Variants in CSGALNACT1 observed in about 807,000 individuals in gnomAD.
The protein encoded by CSGALNACT1 is beta4GalNAcT-1.
CSGALNACT1 carries 52 observed loss-of-function variants against 51.0 expected under a neutral mutation model. That is an observed-to-expected ratio of 1.02 (90% CI 0.82 to 1.29). The LOEUF (loss-of-function observed/expected upper bound fraction) is 1.29. Among genes scored for constraint, CSGALNACT1 ranks in the 50% most tolerant of loss-of-function variants. The probability of loss-of-function intolerance (pLI) is 0.00; values close to 1 mark genes in which losing one functional copy is unlikely to be tolerated. For missense variants in CSGALNACT1, 935 were observed against 679.2 expected (o/e 1.38, Z -4.19); for synonymous variants, 341 against 254.4 (o/e 1.34, Z -3.24).
chr8:19,486,644 C>G (rs2073018308), intron 4 of CSGALNACT1, among the ~76,000 whole-genome samples: 1 of 152,140 alleles, frequency 6.6e-6, no homozygotes, highest in African/African-American at 2.4e-5. Flanking sequence ...AGTTTCTGCT[C>G]CAATATCACC....
rs143183333 is a variant in CSGALNACT1, at chr8:19,487,461, C to T, written c.634+17740G>A. ...TGTCAACACGATGGTGGAGCCCACA[C>T]CTACTGCAAAGGGCGAGACACATGA... On this transcript the variant is annotated intron_variant, in intron 4 of 9. Coordinates refer to ENST00000454498, the Ensembl canonical transcript of CSGALNACT1. Among the ~76,000 whole-genome samples, 1,061 of 152,292 alleles carry T rather than the reference C, an allele frequency of 7.0e-3. 10 individuals carry two copies. Among genetic ancestry groups the T allele is most frequent in the South Asian group, 0.024 (115 of 4,818 alleles).
chr8:19,675,292 T>C (rs1339916110), intron 1 of CSGALNACT1, among the ~76,000 whole-genome samples: 3 of 152,130 alleles, frequency 2.0e-5, no homozygotes, highest in East Asian at 1.9e-4. Flanking sequence ...TAACCTAAGA[T>C]AGGGTTAATT....
chr8:19,664,063 C>T (rs1031861122), intron 1 of CSGALNACT1, among the ~76,000 whole-genome samples: 4 of 152,350 alleles, frequency 2.6e-5, no homozygotes, highest in Admixed American at 6.5e-5. Flanking sequence ...ACCCTCCACA[C>T]CCTGCCAGGT....
intron 3 of CSGALNACT1, among the ~76,000 whole-genome samples, chr8:19,589,305 C>T (rs984080848): frequency 1.3e-5 from 2 of 152,100 alleles, no homozygotes; most frequent in African/African-American, 4.8e-5. Flanking sequence ...CAACATGTCC[C>T]CCAGTTCCTT....
chr8:19,688,211 C>T (rs920491639), intron 1 of CSGALNACT1, among the ~76,000 whole-genome samples: 1 of 152,148 alleles, frequency 6.6e-6, no homozygotes, highest in South Asian at 2.1e-4. Context: ...GGGCTGCTTT[C>T]CTCAATGGGT....
chr8:19,608,186 A>G (rs533350174), intron 1 of CSGALNACT1, among the ~76,000 whole-genome samples: 22 of 152,344 alleles, frequency 1.4e-4, no homozygotes, highest in African/African-American at 5.3e-4. Context: ...CTCACCCCCA[A>G]AGATGATACA....
At chr8:19,507,190 A>C (rs980805573) in intron 3 of CSGALNACT1, among the ~76,000 whole-genome samples, 6 of 152,200 alleles carry the variant, frequency 3.9e-5, no homozygotes, top group Non-Finnish European at 8.8e-5. Context: ...TTATCATAGA[A>C]GGGATGAGGA....
At chr8:19,412,675 G>C (rs771856643) in intron 8 of CSGALNACT1, among the ~76,000 whole-genome samples, 1 of 152,140 alleles carries the variant, frequency 6.6e-6, no homozygotes, top group African/African-American at 2.4e-5. Flanking sequence ...AAGGCCCCAA[G>C]GCCTGCTGTC....
In CSGALNACT1 at chr8:19,714,767, T is replaced by G. The variant is rs1375657261; in HGVS notation, c.-297+43083A>C. ...GTCTCCTGGGATATTTTTTTTTTTT[T>G]CTGTTTTCTAACTTTTAGTTTCAGG... On this transcript the variant is annotated intron_variant, in intron 1 of 1. Coordinates refer to the CSGALNACT1 transcript ENST00000517494. Among the ~76,000 whole-genome samples, 5 of 147,930 alleles carry G rather than the reference T, an allele frequency of 3.4e-5. No individual in the cohort carries two copies. The East Asian group carries it at 1.0e-3, about 30-fold the overall frequency.
At chr8:19,445,481 G>A (rs536604944) in intron 5 of CSGALNACT1, among the ~76,000 whole-genome samples, 11 of 152,266 alleles carry the variant, frequency 7.2e-5, no homozygotes, top group South Asian at 2.1e-4. Flanking sequence ...TAGGTGAGGC[G>A]TCTTAAAAAA....
chr8:19,612,064 C>T (rs2052340031), intron 1 of CSGALNACT1, among the ~76,000 whole-genome samples: 2 of 152,134 alleles, frequency 1.3e-5, no homozygotes, highest in South Asian at 4.1e-4. Context: ...CTCCATGAGA[C>T]CAGCACAGTG....
intron 1 of CSGALNACT1, among the ~76,000 whole-genome samples, chr8:19,642,825 G>A (rs1388241995): frequency 6.7e-6 from 1 of 149,838 alleles, no homozygotes; most frequent in African/African-American, 2.4e-5. Context: ...GGGACACAAA[G>A]GCTTATTCAA....
intron 3 of CSGALNACT1, among the ~76,000 whole-genome samples, chr8:19,559,399 A>T (rs527433586): frequency 9.2e-5 from 14 of 152,314 alleles, no homozygotes; most frequent in Middle Eastern, 6.8e-3. Context: ...GACAATTTCC[A>T]TTTGAAATCA....
chr8:19,669,346 C>T (rs903736415), intron 1 of CSGALNACT1, among the ~76,000 whole-genome samples: 3 of 152,160 alleles, frequency 2.0e-5, no homozygotes, highest in African/African-American at 4.8e-5. Flanking sequence ...AATTTCATCC[C>T]GAGATGGAGG....
At chr8:19,731,317 G>A (rs2063681125) in intron 1 of CSGALNACT1, among the ~76,000 whole-genome samples, 1 of 152,094 alleles carries the variant, frequency 6.6e-6, no homozygotes, top group Non-Finnish European at 1.5e-5. Flanking sequence ...AGGCCAGCCT[G>A]GCCAACATAA....
Position 19,584,395 on chromosome 8 carries a change from A to T in CSGALNACT1, c.-297+6765T>A, listed in dbSNP as rs146635662. On this transcript the variant is annotated intron_variant, in intron 3 of 9. Coordinates refer to ENST00000454498, the Ensembl canonical transcript of CSGALNACT1. ...TTAGAATGTCAAACTGGGCTGAAATATTTTTTTTTGACACAGTAAGACTTA... is the reference window on the plus strand; with the variant it reads ...TTAGAATGTCAAACTGGGCTGAAATTTTTTTTTTTGACACAGTAAGACTTA... Among the ~76,000 whole-genome samples, 602 of 151,564 alleles carry T rather than the reference A, an allele frequency of 4.0e-3. 1 individual carries two copies. Among genetic ancestry groups the T allele is most frequent in the Non-Finnish European group, 6.5e-3 (444 of 67,796 alleles).
chr8:19,624,936 C>G (rs1405818490), intron 1 of CSGALNACT1, among the ~76,000 whole-genome samples: 19 of 152,224 alleles, frequency 1.2e-4, no homozygotes, highest in Non-Finnish European at 2.4e-4. Context: ...CTCGGCCTCC[C>G]AAAATGCCGG....
intron 1 of CSGALNACT1, among the ~76,000 whole-genome samples, chr8:19,691,348 A>G (rs1393922645): frequency 6.6e-6 from 1 of 152,190 alleles, no homozygotes; most frequent in African/African-American, 2.4e-5. Flanking sequence ...TTTTGACAAC[A>G]CAGCCAACCT....
chr8:19,455,973 C>T lies in CSGALNACT1; in HGVS notation c.851+2453G>A, dbSNP rs139668097. On this transcript the variant is annotated intron_variant, in intron 5 of 9. Coordinates refer to ENST00000454498, the Ensembl canonical transcript of CSGALNACT1. ...CGCCACCCATCCCTTCCTACCTCCACGAGCAAGGGACATCCAAATAGTAAA... is the reference window on the plus strand; with the variant it reads ...CGCCACCCATCCCTTCCTACCTCCATGAGCAAGGGACATCCAAATAGTAAA... Among the ~76,000 whole-genome samples the T allele has an allele frequency of 3.2e-3, 485 of 152,316 alleles. 3 individuals carry two copies. The highest frequency in any genetic ancestry group is 0.011 in the African/African-American group (467 of 41,566).
Sources: allele counts gnomAD v4.1 joint callset (sites outside exome capture counted in the v4.1 genomes callset), GRCh38; gene constraint gnomAD v4.1.1; transcripts MANE v1.5; gene names NCBI Gene and HGNC (gene_info 2026-07-23, HGNC 2026-07-21).